Variants in XPO6 observed in about 807,000 individuals in gnomAD.
XPO6 encodes the protein exportin 6, also known as exportin-6.
Under a neutral mutation model 130.0 loss-of-function variants are expected in XPO6, and 3 were observed. The observed-to-expected ratio is 0.02, with a 90% CI of 0.01 to 0.06. The LOEUF (loss-of-function observed/expected upper bound fraction) is 0.06, where lower values mean the gene tolerates loss of function less well. Ranked by LOEUF, XPO6 falls within the 10% of genes least tolerant of loss-of-function variation. The probability of loss-of-function intolerance (pLI) is 1.00; values close to 1 mark genes in which losing one functional copy is unlikely to be tolerated. For synonymous variants in XPO6, 524 were observed against 548.9 expected, an observed-to-expected ratio of 0.95 and a Z score of 0.63; for missense variants, 970 against 1,393.0, an observed-to-expected ratio of 0.70 and a Z score of 4.83.
chr16:28,200,172 A>C, intron 1 of XPO6, among the ~76,000 whole-genome samples: 1 of 151,254 alleles, frequency 6.6e-6, no homozygotes. Flanking sequence ...AAGAAAAGGG[A>C]AAGGAAAGGA....
intron 1 of XPO6, among the ~76,000 whole-genome samples, chr16:28,199,522 C>G (rs1391028600): frequency 6.6e-6 from 1 of 152,022 alleles, no homozygotes; most frequent in East Asian, 2.0e-4. Flanking sequence ...GGTGATCCGC[C>G]TGCCTCGGCC....
intron 9 of XPO6, among the ~76,000 whole-genome samples, chr16:28,138,630 G>C (rs895225469): frequency 6.6e-6 from 1 of 152,116 alleles, no homozygotes; most frequent in Non-Finnish European, 1.5e-5. Flanking sequence ...CAGCAAGAGA[G>C]CACTGGGTAT....
At chr16:28,164,334 G>A (rs915769188) in intron 6 of XPO6, among the ~76,000 whole-genome samples, 8 of 152,270 alleles carry the variant, frequency 5.3e-5, no homozygotes, top group Admixed American at 2.0e-4. Flanking sequence ...CATCTTAAGC[G>A]CACAAAGACA....
At chr16:28,126,361 C>T (rs2087410494) in intron 12 of XPO6, among the ~76,000 whole-genome samples, 1 of 152,122 alleles carries the variant, frequency 6.6e-6, no homozygotes, top group East Asian at 1.9e-4. Context: ...AGGAGAGGTA[C>T]ACTCAGCACT....
In XPO6 at chr16:28,106,142, G is replaced by C; in HGVS notation, c.2685C>G (p.Ile895Met). Residue 895 changes from isoleucine to methionine, a missense_variant, in exon 20 of 24, where the codon ATC becomes ATG. Around this residue, in one of 4 missense-constraint regions of XPO6, gnomAD observed 936 missense variants for 1,306.8 expected, o/e 0.72. Transcript: ENST00000304658. The surrounding 1 kb of genome is among the most constrained non-coding windows in gnomAD (Gnocchi z 4.2). ...GCRVVEKFLKILQVVVQEPGQ... is the reference protein window; with the variant it reads ...GCRVVEKFLKMLQVVVQEPGQ... Reference sequence around the variant, plus strand: ...CTGGCTCCTGGACCACCACCTGCAGGATCTTCAGAAACTTCTCCACCACCC... The same window carrying C: ...CTGGCTCCTGGACCACCACCTGCAGCATCTTCAGAAACTTCTCCACCACCC... The C allele has an allele frequency of 3.7e-6, 6 of 1,614,156 alleles. No individual in the cohort carries two copies. Among genetic ancestry groups the C allele is most frequent in the Non-Finnish European group, 5.1e-6 (6 of 1,180,040 alleles).
At chr16:28,169,193 T>TCCC (rs1275206017) in intron 5 of XPO6, among the ~76,000 whole-genome samples, 4 of 152,192 alleles carry the variant, frequency 2.6e-5, no homozygotes, top group South Asian at 2.1e-4. Context: ...CCCAGGGCAC[T>TCCC]CCCCTCTCCT....
At chr16:28,173,400 CAAAG>C (rs1034013195) in intron 4 of XPO6, among the ~76,000 whole-genome samples, 1 of 152,012 alleles carries the variant, frequency 6.6e-6, no homozygotes, top group Non-Finnish European at 1.5e-5. Flanking sequence ...TCTCATTTTA[CAAAG>C]AAAGAAAGGG....
rs1276657221 is a variant in XPO6, at chr16:28,167,030, AAC to A, written c.566-447_566-446del. On this transcript the variant is annotated intron_variant, in intron 5 of 23. Coordinates refer to ENST00000304658, the MANE Select transcript of XPO6 (RefSeq NM_015171.4). ...CCATCCTCTGCCCATGAGTCATTTA[AAC>A]ACACGTTTCCCCAGGTTCCCTGACT... 19 of 702,590 alleles carry A rather than the reference AAC, an allele frequency of 2.7e-5. No individual in the cohort carries two copies. In the African/African-American group the frequency reaches 3.5e-4, roughly 13 times the overall value. The allele number at this position is 702,590 out of a possible 1,614,324, so 43.5% of individuals were successfully genotyped here. A position where few individuals can be genotyped will look rare whatever the true frequency, so the allele number is the denominator to read the frequency against.
intron 12 of XPO6, among the ~76,000 whole-genome samples, chr16:28,126,263 G>A (rs1214740154): frequency 6.6e-6 from 1 of 152,200 alleles, no homozygotes; most frequent in African/African-American, 2.4e-5. Flanking sequence ...GAGTCTATGT[G>A]ACTCCAAATC....
chr16:28,155,384 T>G (rs2043167410), intron 7 of XPO6, among the ~76,000 whole-genome samples: 1 of 151,888 alleles, frequency 6.6e-6, no homozygotes, highest in South Asian at 2.1e-4. Context: ...ATAAATGACC[T>G]CATCTGCAAG....
At chr16:28,154,008 G>C (rs868317435) in intron 7 of XPO6, 2 of 985,238 alleles carry the variant, frequency 2.0e-6, no homozygotes, top group Non-Finnish European at 2.4e-6. Flanking sequence ...TTGATAAAGA[G>C]AATGGCTGTC....
At chr16:28,133,041 A>G (rs2042704794) in intron 11 of XPO6, among the ~76,000 whole-genome samples, 1 of 152,224 alleles carries the variant, frequency 6.6e-6, no homozygotes, top group South Asian at 2.1e-4. Flanking sequence ...ATTCAATGCA[A>G]AAGATGACCC....
In XPO6 at chr16:28,166,575, C is replaced by A. The variant is rs773843350; in HGVS notation, c.576G>T (p.Glu192Asp). ...TVLGLLTGILETVWDKHSVTA... is the reference protein window; with the variant it reads ...TVLGLLTGILDTVWDKHSVTA... Reference sequence around the variant, plus strand: ...TAACACTGTGTTTGTCCCAGACAGTCTCCAAGATACCTACCAAGAAAGGAG... The same window carrying A: ...TAACACTGTGTTTGTCCCAGACAGTATCCAAGATACCTACCAAGAAAGGAG... The change falls in exon 6 of 24, where the codon GAG (glutamate) becomes GAT (aspartate). Residue 192 changes from glutamate to aspartate, a missense_variant. Transcript: ENST00000304658. The A allele has an allele frequency of 6.3e-7, 1 of 1,585,570 alleles. No individual in the cohort carries two copies. Among genetic ancestry groups the A allele is most frequent in the East Asian group, 2.3e-5 (1 of 44,034 alleles).
At chr16:28,108,110 A>T (rs1217381249) in intron 17 of XPO6, among the ~76,000 whole-genome samples, 4 of 152,186 alleles carry the variant, frequency 2.6e-5, no homozygotes, top group Non-Finnish European at 5.9e-5. Context: ...GGACACATGC[A>T]GCTCAAACCT....
intron 4 of XPO6, among the ~76,000 whole-genome samples, chr16:28,173,980 G>A (rs2043494884): frequency 2.0e-5 from 3 of 152,056 alleles, no homozygotes; most frequent in African/African-American, 4.8e-5. Flanking sequence ...GTCACAGGAC[G>A]CACCACTAAC....
At chr16:28,118,147 T>C (rs1596809084) in intron 14 of XPO6, among the ~76,000 whole-genome samples, 1 of 152,252 alleles carries the variant, frequency 6.6e-6, no homozygotes, top group South Asian at 2.1e-4. Context: ...AATTAGTAAG[T>C]TGTAAGGTGG....
At chr16:28,172,720 C>G (rs1397936366) in intron 4 of XPO6, among the ~76,000 whole-genome samples, 1 of 151,942 alleles carries the variant, frequency 6.6e-6, no homozygotes, top group Non-Finnish European at 1.5e-5. Context: ...TAGATACCAC[C>G]CAACAAACTG....
intron 1 of XPO6, among the ~76,000 whole-genome samples, chr16:28,210,838 G>A (rs1257136119): frequency 6.6e-6 from 1 of 152,192 alleles, no homozygotes; most frequent in Non-Finnish European, 1.5e-5. Context: ...TAAACCTACA[G>A]CTAGATGAGA....
At chr16:28,196,346 T>C (rs1476918968) in intron 1 of XPO6, among the ~76,000 whole-genome samples, 3 of 152,134 alleles carry the variant, frequency 2.0e-5, no homozygotes, top group African/African-American at 7.2e-5. Flanking sequence ...ATAATTTATA[T>C]AAAATATCCA....
Sources: allele counts gnomAD v4.1 joint callset (sites outside exome capture counted in the v4.1 genomes callset), GRCh38; gene constraint gnomAD v4.1.1; regional missense constraint gnomAD v4.1.1; non-coding constraint Gnocchi (gnomAD v3.1); transcripts MANE v1.5; gene names NCBI Gene and HGNC (gene_info 2026-07-23, HGNC 2026-07-21).